The following STXBP5L variants were observed in gnomAD, a reference collection of about 807,000 sequenced individuals.
The protein encoded by STXBP5L is syntaxin binding protein 5L, also known as syntaxin-binding protein 5-like.
STXBP5L carries 65 observed loss-of-function variants against 144.5 expected under a neutral mutation model. That is an observed-to-expected ratio of 0.45 (90% CI 0.37 to 0.55). The LOEUF (loss-of-function observed/expected upper bound fraction) is 0.55. Ranked by LOEUF, STXBP5L falls within the 20% of genes least tolerant of loss-of-function variation. The pLI is 0.00. For synonymous variants in STXBP5L, 505 were observed against 469.6 expected (o/e 1.08, Z -0.97); for missense variants, 1,298 against 1,405.5 (o/e 0.92, Z 1.22).
chr3:121,059,758 A>T (rs2041168632), intron 5 of STXBP5L, among the ~76,000 whole-genome samples: 1 of 152,156 alleles, frequency 6.6e-6, no homozygotes, highest in Non-Finnish European at 1.5e-5. Context: ...GAATTCACTC[A>T]TGATTTGGCT....
intron 3 of STXBP5L, among the ~76,000 whole-genome samples, chr3:121,011,444 G>A (rs193164966): frequency 9.2e-5 from 14 of 151,592 alleles, no homozygotes; most frequent in African/African-American, 2.9e-4. Context: ...TCAGATAATT[G>A]GGAGTTAGCC....
chr3:121,336,653 T>A (rs2044517456), intron 20 of STXBP5L, among the ~76,000 whole-genome samples: 1 of 152,028 alleles, frequency 6.6e-6, no homozygotes, highest in Non-Finnish European at 1.5e-5. Flanking sequence ...TTATACACTG[T>A]TGGTGGGAGT....
intron 3 of STXBP5L, among the ~76,000 whole-genome samples, chr3:121,001,808 T>A (rs1161286183): frequency 6.6e-6 from 1 of 152,164 alleles, no homozygotes; most frequent in East Asian, 1.9e-4. Context: ...AAGATTTCAT[T>A]GGGGTGTGCT....
At chr3:121,015,857 A>T (rs1320917857) in intron 3 of STXBP5L, among the ~76,000 whole-genome samples, 2 of 152,138 alleles carry the variant, frequency 1.3e-5, no homozygotes, top group African/African-American at 4.8e-5. Flanking sequence ...CTGGAGAAAC[A>T]CTTGTGAATG....
At chr3:121,163,352 A>G (rs1188507566) in intron 9 of STXBP5L, among the ~76,000 whole-genome samples, 1 of 152,100 alleles carries the variant, frequency 6.6e-6, no homozygotes, top group African/African-American at 2.4e-5. Flanking sequence ...GTTCTCACTC[A>G]TAAGTGGGGA....
At chr3:121,364,787 C>T (rs1415325366) in intron 20 of STXBP5L, among the ~76,000 whole-genome samples, 2 of 151,846 alleles carry the variant, frequency 1.3e-5, no homozygotes, top group Non-Finnish European at 2.9e-5. Context: ...TATGTGTTGA[C>T]TTTATATTCT....
chr3:121,239,162 CA>C, intron 13 of STXBP5L, 44 bp downstream of exon 13: 1 of 1,134,912 alleles, frequency 8.8e-7, no homozygotes, highest in Non-Finnish European at 1.2e-6. Context: ...ATTCATATCA[CA>C]TGATCATACT....
intron 7 of STXBP5L, among the ~76,000 whole-genome samples, chr3:121,134,112 A>G (rs1261311782): frequency 6.6e-6 from 1 of 152,156 alleles, no homozygotes; most frequent in Non-Finnish European, 1.5e-5. Context: ...TTTATTTATT[A>G]CATTTATGAA....
intron 3 of STXBP5L, among the ~76,000 whole-genome samples, chr3:120,989,928 G>C (rs1038127406): frequency 6.6e-5 from 10 of 152,052 alleles, no homozygotes; most frequent in African/African-American, 2.2e-4. Flanking sequence ...CACCACTTCT[G>C]CTCAACATAG....
At chr3:120,961,814 G>A (rs895362056) in intron 3 of STXBP5L, among the ~76,000 whole-genome samples, 1 of 152,146 alleles carries the variant, frequency 6.6e-6, no homozygotes, top group African/African-American at 2.4e-5. Flanking sequence ...GGGTCAAAAG[G>A]TACTTGTAGT....
chr3:121,143,703 G>T (rs929096074), intron 7 of STXBP5L, among the ~76,000 whole-genome samples: 1 of 151,844 alleles, frequency 6.6e-6, no homozygotes, highest in Non-Finnish European at 1.5e-5. Context: ...ACACAGTGTA[G>T]AAAGGATAAT....
intron 20 of STXBP5L, among the ~76,000 whole-genome samples, chr3:121,319,695 T>C (rs2043905297): frequency 6.6e-6 from 1 of 152,222 alleles, no homozygotes. Flanking sequence ...ACAATTAATG[T>C]TGCATGTCAT....
chr3:121,009,426 C>T (rs1944603233), intron 3 of STXBP5L, among the ~76,000 whole-genome samples: 1 of 151,958 alleles, frequency 6.6e-6, no homozygotes, highest in Admixed American at 6.6e-5. Flanking sequence ...TCTGTCCATA[C>T]CAAGTTTATG....
At chr3:121,269,039 G>A (rs2050659986) in intron 18 of STXBP5L, among the ~76,000 whole-genome samples, 1 of 151,998 alleles carries the variant, frequency 6.6e-6, no homozygotes, top group Non-Finnish European at 1.5e-5. Context: ...GACCATGAGG[G>A]CCTCAGTCTC....
intron 3 of STXBP5L, among the ~76,000 whole-genome samples, chr3:121,028,584 A>G (rs1946131956): frequency 6.6e-6 from 1 of 152,106 alleles, no homozygotes; most frequent in South Asian, 2.1e-4. Context: ...ATCTTTTAGA[A>G]ATATTGCTTC....
At chr3:120,909,958 T>A (rs73185415) in intron 2 of STXBP5L, among the ~76,000 whole-genome samples, 191 bp downstream of exon 2, 6,053 of 152,248 alleles carry the variant, frequency 0.04, 168 homozygotes, top group Middle Eastern at 0.082. Context: ...GCAATGATAG[T>A]TTAAGTGGGA....
chr3:121,152,079 T>G (rs989729751), intron 7 of STXBP5L, among the ~76,000 whole-genome samples: 3 of 152,042 alleles, frequency 2.0e-5, no homozygotes, highest in South Asian at 2.1e-4. Context: ...TAGAAGAAAT[T>G]TGAAGCCAAA....
At chr3:121,029,535 A>G (rs1013506896) in intron 3 of STXBP5L, among the ~76,000 whole-genome samples, 2 of 152,180 alleles carry the variant, frequency 1.3e-5, no homozygotes, top group African/African-American at 4.8e-5. Context: ...TTAATGCAAG[A>G]TGGATTAAAG....
intron 3 of STXBP5L, among the ~76,000 whole-genome samples, chr3:121,003,580 G>T (rs1286603275): frequency 4.6e-5 from 7 of 152,206 alleles, no homozygotes; most frequent in African/African-American, 1.4e-4. Flanking sequence ...GTCAATTTTG[G>T]CTTTTGTTGC....
Sources: gnomAD v4.1 joint callset for allele counts (sites outside exome capture counted in the v4.1 genomes callset) on GRCh38, gnomAD v4.1.1 for gene constraint, MANE v1.5 for transcripts, NCBI Gene and HGNC (gene_info 2026-07-23, HGNC 2026-07-21) for gene names.